Variants in ABR observed in about 807,000 individuals in gnomAD.
ABR encodes ABR activator of RhoGEF and GTPase.
ABR carries 35 observed loss-of-function variants against 107.2 expected under a neutral mutation model. That is an observed-to-expected ratio of 0.33 (90% CI 0.25 to 0.43). ABR has a LOEUF of 0.43. Ranked by LOEUF, ABR falls within the 20% of genes least tolerant of loss-of-function variation. The pLI is 1.00. For synonymous variants in ABR, 498 were observed against 462.0 expected (o/e 1.08, Z -1.00); for missense variants, 815 against 1,115.2 (o/e 0.73, Z 3.83).
chr17:1,053,527 C>T (rs973408715), intron 14 of ABR, among the ~76,000 whole-genome samples: 4 of 152,100 alleles, frequency 2.6e-5, no homozygotes, highest in Non-Finnish European at 5.9e-5. Flanking sequence ...CCCTTCTCTC[C>T]CCAGGTTCCT....
chr17:1,021,727 C>CA (rs1250319712), intron 16 of ABR, among the ~76,000 whole-genome samples: 1 of 151,874 alleles, frequency 6.6e-6, no homozygotes, highest in Non-Finnish European at 1.5e-5. Flanking sequence ...TCGCTTGAAC[C>CA]CGGGAGGCGG....
intron 1 of ABR, among the ~76,000 whole-genome samples, chr17:1,192,973 A>C (rs1339284708): frequency 6.6e-6 from 1 of 152,170 alleles, no homozygotes; most frequent in Non-Finnish European, 1.5e-5. Flanking sequence ...CCTTGAACCC[A>C]GGAGGCGGAG....
At chr17:1,185,755 C>T (rs2150673482) in intron 1 of ABR, among the ~76,000 whole-genome samples, 1 of 151,738 alleles carries the variant, frequency 6.6e-6, no homozygotes, top group Middle Eastern at 3.4e-3. Context: ...ACAAACTCTC[C>T]TGTCAGATCC....
intron 1 of ABR, among the ~76,000 whole-genome samples, chr17:1,130,855 C>T (rs2039791981): frequency 6.6e-6 from 1 of 152,186 alleles, no homozygotes; most frequent in South Asian, 2.1e-4. Flanking sequence ...AGCCACCAGA[C>T]ACTGAAAGAG....
chr17:1,023,133 G>T (rs1430854840), intron 16 of ABR, among the ~76,000 whole-genome samples: 147 of 140,390 alleles, frequency 1.0e-3, no homozygotes, highest in African/African-American at 3.9e-3. Flanking sequence ...CGCCTCTGCC[G>T]GCCCCACGTC....
intron 1 of ABR, among the ~76,000 whole-genome samples, chr17:1,142,231 G>A (rs896421752): frequency 4.6e-5 from 7 of 152,136 alleles, no homozygotes; most frequent in African/African-American, 1.7e-4. Flanking sequence ...TGTATAGGAA[G>A]GCCAAGAGCC....
At chr17:1,181,610 T>TG (rs1174033428), upstream of ABR, among the ~76,000 whole-genome samples, 1 of 151,822 alleles carries the variant, frequency 6.6e-6, no homozygotes, top group Non-Finnish European at 1.5e-5. Context: ...GCATCTCCAA[T>TG]GAGACGCTCC....
intron 1 of ABR, among the ~76,000 whole-genome samples, chr17:1,196,321 T>G (rs2042564122): frequency 6.6e-6 from 1 of 151,422 alleles, no homozygotes; most frequent in African/African-American, 2.4e-5. Context: ...TCCCAGCTAC[T>G]CGGGAGGCTG....
intron 1 of ABR, among the ~76,000 whole-genome samples, chr17:1,226,976 G>T (rs1467665333): frequency 6.6e-6 from 1 of 152,200 alleles, no homozygotes; most frequent in Non-Finnish European, 1.5e-5. Context: ...TAGCTGTGCA[G>T]TGTGCCACAG....
Position 1,079,385 on chromosome 17 carries a change from G to C in ABR, c.645C>G (p.Leu215=), listed in dbSNP as rs372936606. The stretch of plus-strand genomic sequence containing the variant: ...TGGAGTCCTTGGGACCTTTCACTTT[G>C]AGTTCCTGCCAAAGGGAGGAGAGGA... ...NNQFQKISEE[L]KVKGPKDSKD... The change falls in exon 6 of 23, where the codon CTC becomes CTG. Residue 215 remains leucine (L), a synonymous_variant. Transcript: ENST00000302538. The C allele has an allele frequency of 1.9e-5, 31 of 1,613,148 alleles. No homozygotes were observed. Among genetic ancestry groups the C allele is most frequent in the Non-Finnish European group, 2.6e-5 (31 of 1,179,638 alleles).
At chr17:1,152,764 C>G (rs2040851187) in intron 1 of ABR, among the ~76,000 whole-genome samples, 1 of 152,040 alleles carries the variant, frequency 6.6e-6, no homozygotes, top group Non-Finnish European at 1.5e-5. Context: ...TTATCTTTAG[C>G]AAGATGATGA....
rs1280691925 is a variant in ABR at position 1,210,818 on chromosome 17, C to T, written c.838+17975G>A. ...TTAGCCTCTTAAGGACATTTAGAAC[C>T]GTATTTTTGCATCCTTTTAACATCA... is the stretch of plus-strand genomic sequence containing the variant. On this transcript the variant is annotated intron_variant, in intron 1 of 22. Coordinates refer to the ABR transcript ENST00000574139. The surrounding 1 kb of genome is among the most constrained non-coding windows in gnomAD (Gnocchi z 5.6). Among the ~76,000 whole-genome samples, 3 of 152,130 alleles carry T rather than the reference C, an allele frequency of 2.0e-5. No homozygotes were observed. The highest frequency in any genetic ancestry group is 6.6e-5 in the Admixed American group (1 of 15,252).
chr17:1,039,219 G>T lies in ABR; in HGVS notation c.1791+10831C>A, dbSNP rs145213988. ...CCACCCTTCAGAGGCGGGTCAGGGG[G>T]AGCGGGCGCCAAGCCTGCCTGCTGA... On this transcript the variant is annotated intron_variant, in intron 16 of 22. Coordinates refer to ENST00000302538, the MANE Select transcript of ABR (RefSeq NM_021962.5). Among the ~76,000 whole-genome samples the T allele has an allele frequency of 1.4e-3, 214 of 152,298 alleles. 3 individuals carry two copies. The East Asian group carries it at 0.035, about 25-fold the overall frequency.
intron 2 of ABR, among the ~76,000 whole-genome samples, chr17:1,114,728 G>A (rs565675420): frequency 2.4e-4 from 37 of 151,946 alleles, no homozygotes; most frequent in African/African-American, 8.2e-4. Context: ...AGCCGAGATC[G>A]CGCCACTGCA....
At chr17:1,130,379 C>T (rs1330937017) in intron 1 of ABR, among the ~76,000 whole-genome samples, 3 of 151,820 alleles carry the variant, frequency 2.0e-5, no homozygotes, top group South Asian at 4.2e-4. Context: ...CATCCCCGCT[C>T]CTCCCCACCC....
In ABR at chr17:1,179,671, G is replaced by A. The variant is rs2042053780; in HGVS notation, c.57C>T (p.Tyr19=). 1.3e-6 allele frequency: 2 copies of A among 1,566,988 alleles called. No homozygotes were observed. Among genetic ancestry groups the A allele is most frequent in the South Asian group, 1.2e-5 (1 of 85,668 alleles). ...LPRLSWIDTL[Y]SNFSYGTDEY... is the part of the protein sequence containing the mutation. Reference sequence around the variant, plus strand: ...GCCCCCGCCCGGCACACGTACTGCTGTAGAGGGTGTCGATCCAGGACAGGC... The same window carrying A: ...GCCCCCGCCCGGCACACGTACTGCTATAGAGGGTGTCGATCCAGGACAGGC... The change falls in exon 1 of 23, where the codon TAC becomes TAT. Residue 19 remains tyrosine (Y), a synonymous_variant. Transcript: ENST00000302538. The surrounding 1 kb of genome is among the most constrained non-coding windows in gnomAD (Gnocchi z 4.9).
chr17:1,103,895 C>G (rs1453283093), intron 2 of ABR, among the ~76,000 whole-genome samples: 1 of 152,196 alleles, frequency 6.6e-6, no homozygotes, highest in African/African-American at 2.4e-5. Context: ...CAGCTTTCCT[C>G]AGACTCCACA....
At chr17:1,062,603 G>A (rs1597619687) in intron 10 of ABR, among the ~76,000 whole-genome samples, 1 of 141,236 alleles carries the variant, frequency 7.1e-6, no homozygotes, top group African/African-American at 2.6e-5. Context: ...GGTTATGCAT[G>A]TTCCTCTAGA....
rs2035155089 is a variant in ABR at position 1,070,551 on chromosome 17, T to A, written c.895-461A>T. ...CTCCCGACCGCGGCGGCGAACTTCA[T>A]CTAGCCCCGGCTCAACCGAGACCCG... On this transcript the variant is annotated intron_variant, in intron 8 of 22. Transcript: ENST00000302538. The surrounding 1 kb of genome is among the most constrained non-coding windows in gnomAD (Gnocchi z 4.2). Among the ~76,000 whole-genome samples the A allele has an allele frequency of 1.3e-5, 2 of 151,814 alleles. 1 individual carries two copies. Among genetic ancestry groups the A allele is most frequent in the South Asian group, 4.2e-4 (2 of 4,794 alleles).
Sources: gnomAD v4.1 joint callset for allele counts (sites outside exome capture counted in the v4.1 genomes callset) on GRCh38, gnomAD v4.1.1 for gene constraint, Gnocchi (gnomAD v3.1) non-coding constraint, MANE v1.5 for transcripts, NCBI Gene and HGNC (gene_info 2026-07-23, HGNC 2026-07-21) for gene names.